The following HECW1 variants were observed in gnomAD, a reference collection of about 807,000 sequenced individuals.
The protein encoded by HECW1 is E3 ubiquitin-protein ligase HECW1.
A neutral mutation model predicts 182.3 loss-of-function variants in HECW1; 61 were observed. The observed-to-expected ratio is 0.33, with a 90% CI of 0.27 to 0.41. HECW1 has a LOEUF of 0.41. HECW1 is among the 10% of genes least tolerant of loss of function. The pLI, the probability that HECW1 is intolerant of heterozygous loss-of-function variation, is 1.00. For missense variants in HECW1, 1,739 were observed against 2,108.9 expected (o/e 0.82, Z 3.44); for synonymous variants, 859 against 832.6 (o/e 1.03, Z -0.55).
At chr7:43,117,319 C>T (rs549932239) in intron 2 of HECW1, among the ~76,000 whole-genome samples, 6 of 152,270 alleles carry the variant, frequency 3.9e-5, no homozygotes, top group Non-Finnish European at 8.8e-5. Flanking sequence ...TTCAGTTTCT[C>T]TCTGGTTCCT....
At chr7:43,296,428 T>C (rs1344481072) in intron 3 of HECW1, among the ~76,000 whole-genome samples, 6 of 152,190 alleles carry the variant, frequency 3.9e-5, no homozygotes, top group Non-Finnish European at 7.3e-5. Context: ...AGGTCTATGG[T>C]GTGTCCTCCT....
At chr7:43,387,024 G>C (rs1039137881) in intron 6 of HECW1, among the ~76,000 whole-genome samples, 4 of 152,150 alleles carry the variant, frequency 2.6e-5, no homozygotes, top group Admixed American at 6.5e-5. Context: ...ATAGAGTCTG[G>C]ATGGGCAGAA....
chr7:43,130,271 A>G (rs1786765679), intron 2 of HECW1, among the ~76,000 whole-genome samples: 1 of 152,222 alleles, frequency 6.6e-6, no homozygotes, highest in Non-Finnish European at 1.5e-5. Flanking sequence ...AAATTTTGAA[A>G]TAGTTGCATA....
At chr7:43,214,748 G>A (rs1215515027) in intron 2 of HECW1, among the ~76,000 whole-genome samples, 1 of 152,248 alleles carries the variant, frequency 6.6e-6, no homozygotes, top group Non-Finnish European at 1.5e-5. Context: ...GCAGATGCAG[G>A]TGGGCACGGG....
chr7:43,204,473 T>G (rs1795285055), intron 2 of HECW1, among the ~76,000 whole-genome samples: 1 of 152,222 alleles, frequency 6.6e-6, no homozygotes, highest in African/African-American at 2.4e-5. Flanking sequence ...TTATGTTCAT[T>G]TATTCATTAT....
intron 2 of HECW1, among the ~76,000 whole-genome samples, chr7:43,228,560 A>C (rs1244027925): frequency 6.6e-6 from 1 of 152,154 alleles, no homozygotes; most frequent in Non-Finnish European, 1.5e-5. Context: ...TGCATGGATC[A>C]CCAGCTGGGT....
At chr7:43,349,805 G>C (rs149266624) in intron 5 of HECW1, among the ~76,000 whole-genome samples, 32 of 152,174 alleles carry the variant, frequency 2.1e-4, no homozygotes, top group African/African-American at 7.5e-4. Flanking sequence ...TCCATTCTGC[G>C]GTTCTGTATC....
Position 43,311,979 on chromosome 7 carries a change from A to G in HECW1, c.244A>G (p.Met82Val). ...LVTSDSRSTL[M>V]VSSSYYSIGH... ...CACCTCGGACAGCCGCTCCACGCTCATGGTCAGCAGCTCCTACTATTCCAT... is the reference window on the plus strand; with the variant it reads ...CACCTCGGACAGCCGCTCCACGCTCGTGGTCAGCAGCTCCTACTATTCCAT... Residue 82 changes from methionine to valine, a missense_variant, in exon 4 of 30, where the codon ATG becomes GTG. Coordinates refer to ENST00000395891, the MANE Select transcript of HECW1 (RefSeq NM_015052.5). The G allele has an allele frequency of 6.2e-7, 1 of 1,614,200 alleles. No homozygotes were observed. The highest frequency in any genetic ancestry group is 8.5e-7 in the Non-Finnish European group (1 of 1,180,026).
intron 2 of HECW1, among the ~76,000 whole-genome samples, chr7:43,163,427 C>CG (rs35849689): frequency 6.6e-6 from 1 of 152,100 alleles, no homozygotes; most frequent in Non-Finnish European, 1.5e-5. Context: ...TTGTTCTGTC[C>CG]GGGGGGAGGT....
chr7:43,279,132 G>T (rs1345467632), intron 3 of HECW1, among the ~76,000 whole-genome samples: 2 of 152,172 alleles, frequency 1.3e-5, no homozygotes, highest in African/African-American at 4.8e-5. Flanking sequence ...TCAACATTTG[G>T]TGTGGGCTTG....
At chr7:43,202,514 C>A (rs1795097457) in intron 2 of HECW1, among the ~76,000 whole-genome samples, 1 of 151,454 alleles carries the variant, frequency 6.6e-6, no homozygotes, top group Non-Finnish European at 1.5e-5. Flanking sequence ...CACTCTATCC[C>A]CCAGGCTGGA....
chr7:43,541,298 T>C lies in HECW1; in HGVS notation c.4118+37T>C, dbSNP rs187669850. The C allele has an allele frequency of 6.9e-4, 1,043 of 1,515,284 alleles. 15 individuals are homozygous for C. In the East Asian group the frequency reaches 0.018, roughly 26 times the overall value. The allele number at this position is 1,515,284 out of a possible 1,614,324, so 93.9% of individuals were successfully genotyped here. A position where few individuals can be genotyped will look rare whatever the true frequency, so the allele number is the denominator to read the frequency against. On this transcript the variant is annotated intron_variant, in intron 25 of 29. Transcript: ENST00000395891. ...GCAGACCATGCTTCCAACCCAGCCC[T>C]GTCTGCAGGGCAAGGACACCGACCT...
At chr7:43,549,289 A>G (rs970776649) in intron 26 of HECW1, among the ~76,000 whole-genome samples, 2 of 152,246 alleles carry the variant, frequency 1.3e-5, no homozygotes, top group African/African-American at 4.8e-5. Context: ...GGTAACAAGT[A>G]TTTTATCATT....
chr7:43,474,624 CGTA>C (rs1013801371), intron 16 of HECW1, among the ~76,000 whole-genome samples: 1 of 151,788 alleles, frequency 6.6e-6, no homozygotes, highest in African/African-American at 2.4e-5. Flanking sequence ...GACATACAGT[CGTA>C]GTAGGAAAAT....
intron 7 of HECW1, among the ~76,000 whole-genome samples, chr7:43,404,947 GCCTGGGC>G (rs752291982): frequency 2.4e-4 from 37 of 152,006 alleles, no homozygotes; most frequent in Non-Finnish European, 4.7e-4. Context: ...TTGCACTCCA[GCCTGGGC>G]AACAAGAGTG....
chr7:43,152,346 A>G (rs989285443), intron 2 of HECW1, among the ~76,000 whole-genome samples: 6 of 152,246 alleles, frequency 3.9e-5, no homozygotes, highest in African/African-American at 1.4e-4. Context: ...GTATTTTGAA[A>G]CTATGTATTT....
At chr7:43,139,804 T>C (rs1271234799) in intron 2 of HECW1, among the ~76,000 whole-genome samples, 5 of 121,030 alleles carry the variant, frequency 4.1e-5, no homozygotes, top group Non-Finnish European at 9.2e-5. Flanking sequence ...GGCTTTCATC[T>C]TTGGAAAAAG....
intron 2 of HECW1, among the ~76,000 whole-genome samples, chr7:43,202,036 G>C (rs1795056477): frequency 1.3e-5 from 2 of 152,114 alleles, no homozygotes; most frequent in Admixed American, 1.3e-4. Flanking sequence ...ATAATACTTA[G>C]CCAACACTGA....
rs2082226185 is a variant in HECW1, at chr7:43,562,173, G to A, written c.*247G>A. 2.3e-6 allele frequency: 1 copy of A among 441,794 alleles called. No homozygotes were observed. Among genetic ancestry groups the A allele is most frequent in the Non-Finnish European group, 4.1e-6 (1 of 243,820 alleles). 27.4% of individuals were successfully genotyped at this position (441,794 alleles called of 1,614,324 possible). A position where few individuals can be genotyped will look rare whatever the true frequency, so the allele number is the denominator to read the frequency against. ...CTGTATGCAATATTAAAAAACAGCT[G>A]TCTCAAGGTCTGTGTATATCTCCAC... On this transcript the variant is annotated 3_prime_UTR_variant, in exon 30 of 30. Transcript: ENST00000395891.
Sources: allele counts gnomAD v4.1 joint callset (sites outside exome capture counted in the v4.1 genomes callset), GRCh38; gene constraint gnomAD v4.1.1; transcripts MANE v1.5; gene names NCBI Gene and HGNC (gene_info 2026-07-23, HGNC 2026-07-21).